AK5: variants seen among roughly 807,000 people sequenced by gnomAD.
The protein encoded by AK5 is adenylate kinase 5.
Under a neutral mutation model 69.5 loss-of-function variants are expected in AK5, and 27 were observed. The observed-to-expected ratio is 0.39, with a 90% CI of 0.29 to 0.54. AK5 has a LOEUF of 0.54. Ranked by LOEUF, AK5 falls within the 20% of genes least tolerant of loss-of-function variation. AK5 has a pLI of 0.71. For synonymous variants in AK5, 260 were observed against 244.4 expected (o/e 1.06, Z -0.60); for missense variants, 531 against 700.4 (o/e 0.76, Z 2.73).
intron 6 of AK5, among the ~76,000 whole-genome samples, chr1:77,397,977 A>G (rs1406203926): frequency 1.3e-5 from 2 of 152,188 alleles, no homozygotes; most frequent in Admixed American, 6.5e-5. Context: ...TCTCATCATA[A>G]TGTCCTGTCT....
chr1:77,368,252 TAA>T (rs1491306821), intron 6 of AK5, among the ~76,000 whole-genome samples: 1 of 58,572 alleles, frequency 1.7e-5, no homozygotes, highest in Non-Finnish European at 4.1e-5. Context: ...TATATATATA[TAA>T]TATATATGTT....
chr1:77,421,322 C>T (rs1650796336), intron 8 of AK5, among the ~76,000 whole-genome samples: 1 of 152,110 alleles, frequency 6.6e-6, no homozygotes, highest in African/African-American at 2.4e-5. Context: ...TACTCAAGGT[C>T]ACATGGTTGG....
chr1:77,488,642 T>C (rs1655754464), intron 10 of AK5, among the ~76,000 whole-genome samples: 1 of 152,060 alleles, frequency 6.6e-6, no homozygotes, highest in Non-Finnish European at 1.5e-5. Flanking sequence ...CCAGTCCGAG[T>C]CGCAAAACTG....
chr1:77,470,937 G>A (rs1426650180), intron 8 of AK5, among the ~76,000 whole-genome samples: 2 of 137,458 alleles, frequency 1.5e-5, no homozygotes, highest in Admixed American at 1.6e-4. Context: ...CTGGAGTGCA[G>A]TGGCATGATC....
intron 8 of AK5, among the ~76,000 whole-genome samples, chr1:77,453,794 A>G (rs1653306996): frequency 6.6e-6 from 1 of 152,176 alleles, no homozygotes; most frequent in South Asian, 2.1e-4. Context: ...TAATGGGTTT[A>G]TGTATCTTCG....
At chr1:77,542,861 C>G (rs1659349449) in intron 13 of AK5, among the ~76,000 whole-genome samples, 1 of 152,024 alleles carries the variant, frequency 6.6e-6, no homozygotes, top group Non-Finnish European at 1.5e-5. Context: ...ATGAAGAGGG[C>G]CTGGTAACAG....
At chr1:77,555,573 C>T (rs950088593) in intron 13 of AK5, among the ~76,000 whole-genome samples, 7 of 152,254 alleles carry the variant, frequency 4.6e-5, no homozygotes, top group East Asian at 1.9e-4. Context: ...CCTGTTTCAT[C>T]ATCTGTAAAA....
At chr1:77,499,100 A>G (rs1656538145) in intron 10 of AK5, among the ~76,000 whole-genome samples, 1 of 152,216 alleles carries the variant, frequency 6.6e-6, no homozygotes, top group African/African-American at 2.4e-5. Flanking sequence ...GCCTTGAAGA[A>G]TGAAGCAGAG....
Position 77,468,392 on chromosome 1 carries a change from C to T in AK5, c.1060-14925C>T, listed in dbSNP as rs1051193371. Among the ~76,000 whole-genome samples the T allele has an allele frequency of 2.6e-5, 4 of 152,354 alleles. No individual in the cohort carries two copies. The East Asian group carries it at 7.7e-4, about 29-fold the overall frequency. ...GGTTGGTAACTGGATTCAGTCCCTA[C>T]TCAGCTCCTTAGCCAGGAATATTTG... is the stretch of plus-strand genomic sequence containing the variant. On this transcript the variant is annotated intron_variant, in intron 8 of 13. Transcript: ENST00000354567.
At chr1:77,530,567 G>C (rs1658521238) in intron 12 of AK5, among the ~76,000 whole-genome samples, 1 of 152,164 alleles carries the variant, frequency 6.6e-6, no homozygotes. Flanking sequence ...ATACTTTACA[G>C]GTCAAAAGGA....
At chr1:77,554,961 G>A (rs538095824) in intron 13 of AK5, among the ~76,000 whole-genome samples, 1 of 151,882 alleles carries the variant, frequency 6.6e-6, no homozygotes, top group South Asian at 2.1e-4. Context: ...AATATTTGCT[G>A]TGTACCCATA....
At chr1:77,483,967 C>CCAG (rs200037687) in intron 9 of AK5, among the ~76,000 whole-genome samples, 1,558 of 152,104 alleles carry the variant, frequency 0.01, 33 homozygotes, top group East Asian at 0.079. Context: ...GAATTAAAGA[C>CCAG]CCTGGCCAAT....
At chr1:77,483,013 AAAAAAAAAAAAAAAAAAAAAAAAAAAAG>A (rs550940725) in intron 8 of AK5, among the ~76,000 whole-genome samples, 3,592 of 121,456 alleles carry the variant, frequency 0.03, 97 homozygotes, top group Middle Eastern at 0.068. Context: ...AAAAAAAAAA[AAAAAAAAAAAAAAAAAAAAAAAAAAAAG>A]AGGTGAGATA....
At chr1:77,328,882 A>G (rs1328833382) in intron 5 of AK5, among the ~76,000 whole-genome samples, 2 of 152,220 alleles carry the variant, frequency 1.3e-5, no homozygotes, top group Admixed American at 1.3e-4. Flanking sequence ...ACGGAAGTGA[A>G]TATGGCTTAT....
chr1:77,342,355 G>C (rs537123460), intron 6 of AK5, among the ~76,000 whole-genome samples: 1 of 152,126 alleles, frequency 6.6e-6, no homozygotes, highest in Non-Finnish European at 1.5e-5. Flanking sequence ...TGTCACATTC[G>C]TCATCACAAG....
intron 8 of AK5, among the ~76,000 whole-genome samples, chr1:77,465,362 T>C (rs1654078279): frequency 6.6e-6 from 1 of 152,108 alleles, no homozygotes. Context: ...AACTGCTCAA[T>C]TAAGTGAAAA....
At chr1:77,340,625 T>A in intron 6 of AK5, 57 bp downstream of exon 6, 1 of 1,511,364 alleles carries the variant, frequency 6.6e-7, no homozygotes, top group South Asian at 1.2e-5. Flanking sequence ...AGATTTCTCA[T>A]TAGCCCATGT....
intron 6 of AK5, 136 bp downstream of exon 6, chr1:77,340,704 G>C: frequency 1.7e-6 from 1 of 578,056 alleles, no homozygotes; most frequent in Non-Finnish European, 2.7e-6. Context: ...GGAAAAAAAT[G>C]TATCATTTTG....
chr1:77,298,398 G>A (rs1248921054), intron 5 of AK5, among the ~76,000 whole-genome samples: 2 of 151,694 alleles, frequency 1.3e-5, no homozygotes. Context: ...AATTTGAGTA[G>A]GCTATGCCTG....
Sources: gnomAD v4.1 joint callset for allele counts (sites outside exome capture counted in the v4.1 genomes callset) on GRCh38, gnomAD v4.1.1 for gene constraint, MANE v1.5 for transcripts, NCBI Gene and HGNC (gene_info 2026-07-23, HGNC 2026-07-21) for gene names.